Variants in SLC2A5 observed in about 807,000 individuals in gnomAD.
SLC2A5 encodes solute carrier family 2, facilitated glucose transporter member 5.
In SLC2A5, 56 loss-of-function variants were observed where a neutral mutation model predicts 50.3. The ratio of observed to expected loss-of-function variants is 1.11; its 90% CI spans 0.90 to 1.39. The LOEUF is 1.39. Ranked by LOEUF, SLC2A5 falls within the 40% of genes most tolerant of loss-of-function variation. The pLI is 0.00. For missense variants in SLC2A5, 566 were observed against 650.1 expected, an observed-to-expected ratio of 0.87 and a Z score of 1.41; for synonymous variants, 269 against 281.9, an observed-to-expected ratio of 0.95 and a Z score of 0.46.
At chr1:9,048,796 C>T (rs1380963462) in intron 3 of SLC2A5, among the ~76,000 whole-genome samples, 1 of 151,960 alleles carries the variant, frequency 6.6e-6, no homozygotes, top group African/African-American at 2.4e-5. Flanking sequence ...GCTAGGATTA[C>T]AGGCACGTGC....
upstream of SLC2A5, among the ~76,000 whole-genome samples, chr1:9,092,637 A>G (rs1009867298): frequency 6.6e-6 from 1 of 152,174 alleles, no homozygotes; most frequent in African/African-American, 2.4e-5. Context: ...CCTTTTCGGG[A>G]TGGGTTGAGG....
At chr1:9,086,631 G>A (rs1277531014) in intron 1 of SLC2A5, among the ~76,000 whole-genome samples, 3 of 152,090 alleles carry the variant, frequency 2.0e-5, no homozygotes. Context: ...TCTCAAGCAA[G>A]CCACCCACCT....
chr1:9,083,754 G>A (rs1400180004), intron 2 of SLC2A5, among the ~76,000 whole-genome samples: 2 of 152,148 alleles, frequency 1.3e-5, no homozygotes, highest in Non-Finnish European at 2.9e-5. Flanking sequence ...GAACCCAGGA[G>A]GTGGAGGTTG....
At chr1:9,038,099 C>A in intron 10 of SLC2A5, 75 bp from the exon 11 acceptor site, 1 of 1,547,590 alleles carries the variant, frequency 6.5e-7, no homozygotes, top group Non-Finnish European at 8.8e-7. Flanking sequence ...TGCAGACCCA[C>A]CAGGTAGCTG....
At chr1:9,081,278 AACC>A (rs1557685767) in intron 2 of SLC2A5, among the ~76,000 whole-genome samples, 1,160 of 100,486 alleles carry the variant, frequency 0.012, 38 homozygotes, top group African/African-American at 0.043. Context: ...AAAAAAAAAA[AACC>A]CCAAAAAAAA....
rs778630522 is a variant in SLC2A5 at position 9,037,972 on chromosome 1, T to C, written c.1227A>G (p.Pro409=). 6 of 1,613,808 alleles carry C rather than the reference T, an allele frequency of 3.7e-6. No individual in the cohort carries two copies. The highest frequency in any genetic ancestry group is 5.1e-6 in the Non-Finnish European group (6 of 1,180,008). ...CACTGCCCCCCACCATGAAGGCAGA[T>C]GGCCGAGAGGACTGCAGGAAGATCT... ...ITEIFLQSSR[P]SAFMVGGSVH... is the part of the protein sequence containing the mutation. The change falls in exon 11 of 12, where the codon CCA becomes CCG. Residue 409 remains proline, a synonymous_variant. Transcript: ENST00000377424.
chr1:9,060,238 C>CACA (rs200027896), intron 1 of SLC2A5, among the ~76,000 whole-genome samples: 9 of 133,272 alleles, frequency 6.8e-5, no homozygotes, highest in South Asian at 4.9e-4. Flanking sequence ...TACACACACA[C>CACA]CCCCCATGTA....
rs529175930 is a variant in SLC2A5, at chr1:9,052,283, C to CA, written c.294-4550dup. ...TGGGTGACAGAGCGAGACTCCGTCTCAAAAAAAAAGAAAGAAAGAAAATCC... is the reference window on the plus strand; with the variant it reads ...TGGGTGACAGAGCGAGACTCCGTCTCAAAAAAAAAAGAAAGAAAGAAAATCC... On this transcript the variant is annotated intron_variant, in intron 3 of 11. Coordinates refer to ENST00000377424, the MANE Select transcript of SLC2A5 (RefSeq NM_003039.3). Among the ~76,000 whole-genome samples, 567 of 150,170 alleles carry CA rather than the reference C, an allele frequency of 3.8e-3. 1 individual carries two copies. The highest frequency in any genetic ancestry group is 0.017 in the Middle Eastern group (5 of 290).
chr1:9,075,936 C>T (rs1334506801), intron 2 of SLC2A5, among the ~76,000 whole-genome samples: 1 of 151,598 alleles, frequency 6.6e-6, no homozygotes, highest in East Asian at 1.9e-4. Context: ...GCTGGGATTA[C>T]AGGCGTGAGC....
chr1:9,048,114 C>T (rs1306533340), intron 3 of SLC2A5, among the ~76,000 whole-genome samples: 1 of 152,226 alleles, frequency 6.6e-6, no homozygotes, highest in Non-Finnish European at 1.5e-5. Flanking sequence ...ATAGGTCCAT[C>T]TCACTTATGT....
chr1:9,047,837 C>T (rs1641475594), intron 3 of SLC2A5, 103 bp from the exon 4 acceptor site: 2 of 1,242,232 alleles, frequency 1.6e-6, no homozygotes, highest in Non-Finnish European at 1.1e-6. Flanking sequence ...GCAGTTACAG[C>T]AGCTTTACTG....
rs139730708 is a variant in SLC2A5, at chr1:9,045,576, C to T, written c.418+2034G>A. Among the ~76,000 whole-genome samples, 47 of 152,158 alleles carry T rather than the reference C, an allele frequency of 3.1e-4. No homozygotes were observed. The South Asian group carries it at 4.8e-3, about 15-fold the overall frequency. Reference sequence around the variant, plus strand: ...AATGTTGAGCCCACTGCAGAGAAAACCCACAGGTCAGGGCAAGATGGCAGA... The same window carrying T: ...AATGTTGAGCCCACTGCAGAGAAAATCCACAGGTCAGGGCAAGATGGCAGA... On this transcript the variant is annotated intron_variant, in intron 4 of 11. Coordinates refer to ENST00000377424, the MANE Select transcript of SLC2A5 (RefSeq NM_003039.3).
intron 1 of SLC2A5, among the ~76,000 whole-genome samples, chr1:9,060,225 CAAT>C (rs1328089377): frequency 6.4e-4 from 65 of 101,438 alleles, no homozygotes; most frequent in African/African-American, 2.5e-3. Context: ...ATGTAACAAA[CAAT>C]ACACACACAC....
chr1:9,087,291 G>A (rs1420398564), intron 1 of SLC2A5, among the ~76,000 whole-genome samples: 5 of 150,670 alleles, frequency 3.3e-5, no homozygotes, highest in East Asian at 2.0e-4. Context: ...TGCAAGCTCC[G>A]CCTCCCGGGT....
At chr1:9,057,924 C>T (rs1297507634) in intron 2 of SLC2A5, among the ~76,000 whole-genome samples, 1 of 152,256 alleles carries the variant, frequency 6.6e-6, no homozygotes, top group Non-Finnish European at 1.5e-5. Context: ...CACAGAAGAT[C>T]TGAGCCCCCT....
chr1:9,068,189 C>CAAAA (rs755203801), intron 1 of SLC2A5, among the ~76,000 whole-genome samples: 1,884 of 76,804 alleles, frequency 0.025, 91 homozygotes, highest in Non-Finnish European at 0.03. Flanking sequence ...GACTCTGTGT[C>CAAAA]AAAAAAAAAA....
At position 9,058,316 on chromosome 1, in the gene SLC2A5, G is replaced by A. The variant is rs1047705163; in HGVS notation, c.34-66C>T. 3.4e-5 allele frequency: 37 copies of A among 1,078,410 alleles called. No individual in the cohort carries two copies. In the Admixed American group the frequency reaches 3.6e-4, roughly 11 times the overall value. The allele number at this position is 1,078,410 out of a possible 1,614,324, so 66.8% of individuals were successfully genotyped here. Reference sequence around the variant, plus strand: ...TTCCAGGGCCCTCCCGCTTTACTTCGGTTTCGTAGAAAGATGTAACAGAAT... The same window carrying A: ...TTCCAGGGCCCTCCCGCTTTACTTCAGTTTCGTAGAAAGATGTAACAGAAT... On this transcript the variant is annotated intron_variant, in intron 1 of 11. Coordinates refer to ENST00000377424, the MANE Select transcript of SLC2A5 (RefSeq NM_003039.3).
intron 3 of SLC2A5, among the ~76,000 whole-genome samples, chr1:9,054,934 A>G (rs1212254003): frequency 6.6e-6 from 1 of 152,164 alleles, no homozygotes; most frequent in Non-Finnish European, 1.5e-5. Flanking sequence ...ACACATATAT[A>G]TTTATAGTGT....
At chr1:9,053,071 A>G (rs1641621676) in intron 3 of SLC2A5, among the ~76,000 whole-genome samples, 1 of 110,604 alleles carries the variant, frequency 9.0e-6, no homozygotes, top group African/African-American at 4.1e-5. Context: ...TATATTATAT[A>G]TTTATATATT....
Sources: allele counts gnomAD v4.1 joint callset (sites outside exome capture counted in the v4.1 genomes callset), GRCh38; gene constraint gnomAD v4.1.1; transcripts MANE v1.5; gene names NCBI Gene and HGNC (gene_info 2026-07-23, HGNC 2026-07-21).